The following INTS9 variants were observed in gnomAD, a reference collection of about 807,000 sequenced individuals.
The protein encoded by INTS9 is protein related to CPSF subunits of 74 kDa.
INTS9 carries 55 observed loss-of-function variants against 79.7 expected under a neutral mutation model. The ratio of observed to expected loss-of-function variants is 0.69; its 90% CI spans 0.56 to 0.86. The LOEUF (loss-of-function observed/expected upper bound fraction) is 0.86. Among genes scored for constraint, INTS9 ranks in the 40% least tolerant of loss-of-function variants. The pLI, the probability that INTS9 is intolerant of heterozygous loss-of-function variation, is 0.00. For synonymous variants in INTS9, 319 were observed against 325.2 expected (o/e 0.98, Z 0.20); for missense variants, 721 against 831.5 (o/e 0.87, Z 1.64).
intron 6 of INTS9, among the ~76,000 whole-genome samples, chr8:28,828,691 T>A (rs1442324460): frequency 6.6e-6 from 1 of 152,002 alleles, no homozygotes; most frequent in Admixed American, 6.6e-5. Flanking sequence ...TGAACATGCA[T>A]GGTTTTAAGT....
Position 28,880,394 on chromosome 8 carries a change from G to C in INTS9, c.9+9480C>G, listed in dbSNP as rs1449305433. Among the ~76,000 whole-genome samples the C allele has an allele frequency of 2.0e-5, 3 of 151,816 alleles. No homozygotes were observed. The East Asian group carries it at 5.8e-4, about 29-fold the overall frequency. ...CTGCCTCAGCCTGCCGAGTGCCTGC[G>C]ATTGCAGGCGCGTGCCGCCACGCCT... On this transcript the variant is annotated intron_variant, in intron 1 of 16. Coordinates refer to ENST00000521022, the MANE Select transcript of INTS9 (RefSeq NM_018250.4).
At chr8:28,809,476 T>G (rs982410079) in intron 8 of INTS9, among the ~76,000 whole-genome samples, 2 of 152,224 alleles carry the variant, frequency 1.3e-5, no homozygotes, top group Non-Finnish European at 2.9e-5. Flanking sequence ...AAAAATCTAA[T>G]TTTTTTCTTT....
At chr8:28,883,529 C>T (rs1380348236) in intron 1 of INTS9, among the ~76,000 whole-genome samples, 2 of 152,170 alleles carry the variant, frequency 1.3e-5, no homozygotes, top group African/African-American at 4.8e-5. Flanking sequence ...CAATGGAAAA[C>T]TAGTGAGCAA....
At chr8:28,819,518 C>G (rs1269469759) in intron 6 of INTS9, among the ~76,000 whole-genome samples, 1 of 152,134 alleles carries the variant, frequency 6.6e-6, no homozygotes, top group East Asian at 1.9e-4. Flanking sequence ...GTCTGAGAGA[C>G]AGTTTGTTAT....
intron 1 of INTS9, among the ~76,000 whole-genome samples, chr8:28,878,351 T>C (rs1809502917): frequency 6.6e-6 from 1 of 152,086 alleles, no homozygotes; most frequent in Admixed American, 6.6e-5. Flanking sequence ...CTCACTCTGT[T>C]GCTCAGGCTG....
chr8:28,777,677 G>C (rs986034699), intron 13 of INTS9, 152 bp downstream of exon 13: 12 of 750,514 alleles, frequency 1.6e-5, no homozygotes, highest in Non-Finnish European at 2.3e-5. Flanking sequence ...AGTGTGGAGG[G>C]GGGCTGGCAT....
chr8:28,784,705 G>A (rs17059413), intron 11 of INTS9, among the ~76,000 whole-genome samples: 30,376 of 152,062 alleles, frequency 0.2, 3,433 homozygotes, highest in East Asian at 0.47. Flanking sequence ...GTTGAGGAGG[G>A]GTTATAAATA....
At chr8:28,779,007 G>A (rs1399879688) in intron 12 of INTS9, among the ~76,000 whole-genome samples, 1 of 152,172 alleles carries the variant, frequency 6.6e-6, no homozygotes, top group Non-Finnish European at 1.5e-5. Context: ...ATTACCCAGA[G>A]TTGTCACAGG....
chr8:28,818,253 G>A lies in INTS9; in HGVS notation c.489-4641C>T, dbSNP rs556929631. On this transcript the variant is annotated intron_variant, in intron 6 of 16. Transcript: ENST00000521022. ...CCAGTTTTCAAAGGGAATGCTTCCA[G>A]TTTTTGCCCATTCAGTATGATATTG... 3.1e-3 allele frequency among the ~76,000 whole-genome samples: 451 copies of A among 146,524 alleles called. 4 individuals are homozygous for A. Among genetic ancestry groups the A allele is most frequent in the African/African-American group, 0.01 (411 of 39,774 alleles).
At chr8:28,833,113 T>A (rs979969465) in intron 6 of INTS9, among the ~76,000 whole-genome samples, 1 of 152,238 alleles carries the variant, frequency 6.6e-6, no homozygotes, top group Admixed American at 6.5e-5. Context: ...AGGAGACTCA[T>A]GCTCAAGCTC....
chr8:28,827,552 G>GGCTTA (rs1451057748), intron 6 of INTS9, among the ~76,000 whole-genome samples: 1 of 152,160 alleles, frequency 6.6e-6, no homozygotes, highest in African/African-American at 2.4e-5. Flanking sequence ...CACAGCAAAG[G>GGCTTA]GCTTAACATG....
At chr8:28,870,340 A>C in intron 1 of INTS9, among the ~76,000 whole-genome samples, 1 of 135,426 alleles carries the variant, frequency 7.4e-6, no homozygotes, top group Non-Finnish European at 1.5e-5. Context: ...TTTTAGAATC[A>C]GAAAAAAGCT....
At position 28,793,848 on chromosome 8, in the gene INTS9, CA is replaced by C. The variant is rs749277945; in HGVS notation, c.995del (p.Val332GlyfsTer42). On this transcript the variant is annotated frameshift_variant, in exon 10 of 17. Coordinates refer to ENST00000521022, the MANE Select transcript of INTS9 (RefSeq NM_018250.4). LOFTEE classifies it high-confidence loss of function. ...GGGAAAACTCCAGTGAACTGTTGGC[CA>C]CAGGGGAGATGAAGTAGAGGGGGAC... ...SSVPLYFISP[V>X]ANSSLEFSQI... 1.9e-6 allele frequency: 3 copies of C among 1,613,300 alleles called. No individual in the cohort carries two copies. In the East Asian group the frequency reaches 6.7e-5, roughly 36 times the overall value.
chr8:28,882,783 G>A (rs984715641), intron 1 of INTS9, among the ~76,000 whole-genome samples: 76 of 152,266 alleles, frequency 5.0e-4, no homozygotes, highest in African/African-American at 1.6e-3. Context: ...GTCTTTGAGA[G>A]AGCTAAAAGT....
At chr8:28,857,634 CT>C (rs1402236322) in intron 2 of INTS9, among the ~76,000 whole-genome samples, 1 of 152,030 alleles carries the variant, frequency 6.6e-6, no homozygotes, top group Non-Finnish European at 1.5e-5. Context: ...TAAAAGGACT[CT>C]GAAAAAGTGA....
At chr8:28,809,147 T>C (rs1804972348) in intron 8 of INTS9, among the ~76,000 whole-genome samples, 2 of 151,998 alleles carry the variant, frequency 1.3e-5, no homozygotes, top group Non-Finnish European at 1.5e-5. Context: ...TTCGTAGAGA[T>C]GGGATCTTGC....
At chr8:28,819,155 A>T (rs1291469030) in intron 6 of INTS9, among the ~76,000 whole-genome samples, 1 of 151,916 alleles carries the variant, frequency 6.6e-6, no homozygotes, top group Non-Finnish European at 1.5e-5. Context: ...TATTTCCTTC[A>T]GTTCTGCTCT....
chr8:28,878,495 GT>G (rs897038120), intron 1 of INTS9, among the ~76,000 whole-genome samples: 1 of 150,422 alleles, frequency 6.6e-6, no homozygotes, highest in Non-Finnish European at 1.5e-5. Context: ...AAAAAAAATT[GT>G]TTTTTTGTAG....
Position 28,813,830 on chromosome 8 carries a change from G to A in INTS9, c.489-218C>T, listed in dbSNP as rs181664783. 3.4e-3 allele frequency: 1,364 copies of A among 400,094 alleles called. 9 individuals carry two copies. Among genetic ancestry groups the A allele is most frequent in the Middle Eastern group, 7.0e-3 (10 of 1,428 alleles). The allele number at this position is 400,094 out of a possible 1,614,324, so 24.8% of individuals were successfully genotyped here. A position where few individuals can be genotyped will look rare whatever the true frequency, so the allele number is the denominator to read the frequency against. Reference sequence around the variant, plus strand: ...GGCTGGAGTGCTATGGCGCCATCTCGGCTCACTGCAACCTCCACCTCCCGG... The same window carrying A: ...GGCTGGAGTGCTATGGCGCCATCTCAGCTCACTGCAACCTCCACCTCCCGG... On this transcript the variant is annotated intron_variant, in intron 6 of 16. Coordinates refer to ENST00000521022, the MANE Select transcript of INTS9 (RefSeq NM_018250.4).
Sources: allele counts gnomAD v4.1 joint callset (sites outside exome capture counted in the v4.1 genomes callset), GRCh38; gene constraint gnomAD v4.1.1; transcripts MANE v1.5; gene names NCBI Gene and HGNC (gene_info 2026-07-23, HGNC 2026-07-21).